The following UNC79 variants were observed in gnomAD, a reference collection of about 807,000 sequenced individuals.
UNC79 encodes the protein protein unc-79 homolog.
UNC79 carries 37 observed loss-of-function variants against 283.1 expected under a neutral mutation model. That is an observed-to-expected ratio of 0.13 (90% CI 0.10 to 0.17). UNC79 has a LOEUF of 0.17. Ranked by LOEUF, UNC79 falls within the 10% of genes least tolerant of loss-of-function variation. The pLI is 1.00. For synonymous variants in UNC79, 1,107 were observed against 1,200.2 expected (o/e 0.92, Z 1.61); for missense variants, 2,272 against 3,211.1 (o/e 0.71, Z 7.07).
chr14:93,531,287 G>A lies in UNC79; in HGVS notation c.1094-1263G>A, dbSNP rs921615700. ...TTTTTAAACATGAGTTGTAAATTTT[G>A]TTGCTTTTTCATCCACTAGTTTAAG... On this transcript the variant is annotated intron_variant, in intron 10 of 48. Transcript: ENST00000555664. The surrounding 1 kb of genome is among the most constrained non-coding windows in gnomAD (Gnocchi z 4.2). Among the ~76,000 whole-genome samples the A allele has an allele frequency of 6.6e-6, 1 of 152,112 alleles. No individual in the cohort carries two copies. Among genetic ancestry groups the A allele is most frequent in the Non-Finnish European group, 1.5e-5 (1 of 68,020 alleles).
At chr14:93,466,645 C>T (rs1210882227) in intron 1 of UNC79, among the ~76,000 whole-genome samples, 1 of 152,202 alleles carries the variant, frequency 6.6e-6, no homozygotes, top group Non-Finnish European at 1.5e-5. Context: ...TTATTGGGAA[C>T]AGCAGGCCTT....
intron 3 of UNC79, among the ~76,000 whole-genome samples, chr14:93,476,548 C>T (rs2057810795): frequency 6.6e-6 from 1 of 152,078 alleles, no homozygotes; most frequent in Non-Finnish European, 1.5e-5. Context: ...GCTGATGTGC[C>T]TGTTAAGATG....
At chr14:93,400,941 C>T (rs532913500) in intron 1 of UNC79, among the ~76,000 whole-genome samples, 21 of 152,260 alleles carry the variant, frequency 1.4e-4, no homozygotes, top group Non-Finnish European at 2.6e-4. Flanking sequence ...GAGAATAAGA[C>T]AACATTGAGA....
chr14:93,333,929 A>C (rs550820322), intron 1 of UNC79, among the ~76,000 whole-genome samples: 2 of 152,294 alleles, frequency 1.3e-5, no homozygotes, highest in East Asian at 3.9e-4. Context: ...AGGCATTCTG[A>C]ACCCAGTGAG....
rs1357495946 is a variant in UNC79, at chr14:93,580,113, TGTGTGTGCGTGTGTCC to T, written c.2434-35_2434-20del. ...TCCTTCTTCTTCTTTTTTTTTTGTGTGTGTGTGCGTGTGTCCTTTTTTTGATGTCTTTCAGATGGAG... is the reference window on the plus strand; with the variant it reads ...TCCTTCTTCTTCTTTTTTTTTTGTGTTTTTTTTGATGTCTTTCAGATGGAG... On this transcript the variant is annotated intron_variant, in intron 18 of 48. Coordinates refer to ENST00000555664, the Ensembl canonical transcript of UNC79. 6.6e-7 allele frequency: 1 copy of T among 1,522,844 alleles called. No individual in the cohort carries two copies. The highest frequency in any genetic ancestry group is 8.9e-7 in the Non-Finnish European group (1 of 1,123,662). The allele number at this position is 1,522,844 out of a possible 1,614,324, so 94.3% of individuals were successfully genotyped here. A position where few individuals can be genotyped will look rare whatever the true frequency, so the allele number is the denominator to read the frequency against.
intron 3 of UNC79, among the ~76,000 whole-genome samples, chr14:93,477,183 G>T (rs551003331): frequency 6.6e-6 from 1 of 152,082 alleles, no homozygotes; most frequent in African/African-American, 2.4e-5. Context: ...GAAATAGCCC[G>T]GTTTTATTTC....
At chr14:93,622,277 G>A (rs372851012) in exon 30 of UNC79, 116 of 1,614,074 alleles carry the variant, frequency 7.2e-5, no homozygotes, top group Non-Finnish European at 9.7e-5. Context: ...CCTGAGCACA[G>A]CTCCGCTTGT....
At chr14:93,522,894 T>C (rs1700587557) in intron 7 of UNC79, among the ~76,000 whole-genome samples, 1 of 152,148 alleles carries the variant, frequency 6.6e-6, no homozygotes, top group African/African-American at 2.4e-5. Flanking sequence ...GATAGAAAGT[T>C]TGAAGGTGGG....
At chr14:93,551,175 G>A (rs1220833098) in intron 14 of UNC79, among the ~76,000 whole-genome samples, 1 of 151,956 alleles carries the variant, frequency 6.6e-6, no homozygotes. Context: ...TCAACCTCCC[G>A]AGTAGCTGGG....
intron 1 of UNC79, among the ~76,000 whole-genome samples, chr14:93,410,173 GA>G (rs1265986508): frequency 6.6e-6 from 1 of 152,216 alleles, no homozygotes; most frequent in African/African-American, 2.4e-5. Flanking sequence ...CAGCAACTGT[GA>G]AACATTACAT....
rs529004289 is a variant in UNC79, at chr14:93,560,365, CAGTG to C, written c.1756-11525_1756-11522del. On this transcript the variant is annotated intron_variant, in intron 14 of 48. Transcript: ENST00000555664. The stretch of plus-strand genomic sequence containing the variant: ...AATATACAGAGTCCTCCTTTTTCAG[CAGTG>C]AGTAAGTCAAGGCCTCGGCAGTTTT... Among the ~76,000 whole-genome samples, 1,406 of 152,182 alleles carry C rather than the reference CAGTG, an allele frequency of 9.2e-3. 18 individuals are homozygous for C. The highest frequency in any genetic ancestry group is 0.032 in the African/African-American group (1,342 of 41,502).
intron 1 of UNC79, among the ~76,000 whole-genome samples, chr14:93,464,729 T>G (rs970574698): frequency 6.6e-6 from 1 of 152,112 alleles, no homozygotes. Flanking sequence ...AGATCATTCA[T>G]TTATATCTAT....
rs569955792 is a variant in UNC79, at chr14:93,465,222, T to C, written c.23-2449T>C. ...AATCTATCGTATGTCTATATGCAGG[T>C]ATATATGTGTATAGTGTACATATAT... On this transcript the variant is annotated intron_variant, in intron 1 of 48. Transcript: ENST00000555664. Among the ~76,000 whole-genome samples the C allele has an allele frequency of 7.0e-4, 107 of 152,310 alleles. 2 individuals carry two copies. In the South Asian group the frequency reaches 0.022, roughly 31 times the overall value.
At chr14:93,422,035 A>G (rs764371806) in intron 1 of UNC79, among the ~76,000 whole-genome samples, 9 of 151,806 alleles carry the variant, frequency 5.9e-5, no homozygotes, top group Non-Finnish European at 1.0e-4. Flanking sequence ...GTCTTAATCA[A>G]TTTAGGAAGT....
intron 47 of UNC79, among the ~76,000 whole-genome samples, chr14:93,703,834 A>T (rs1465139115): frequency 6.6e-6 from 1 of 152,224 alleles, no homozygotes; most frequent in Non-Finnish European, 1.5e-5. Flanking sequence ...TCTCCAAATT[A>T]GAGTGCCATG....
intron 40 of UNC79, among the ~76,000 whole-genome samples, chr14:93,668,725 G>A (rs2072485699): frequency 6.6e-6 from 1 of 151,602 alleles, no homozygotes; most frequent in African/African-American, 2.4e-5. Flanking sequence ...CGCACCTGTA[G>A]TCCCATTGCT....
At chr14:93,555,711 C>A (rs2062140969) in intron 14 of UNC79, among the ~76,000 whole-genome samples, 1 of 152,158 alleles carries the variant, frequency 6.6e-6, no homozygotes, top group Non-Finnish European at 1.5e-5. Flanking sequence ...GCCAAGATTT[C>A]TTTCTCATTT....
chr14:93,440,527 ATTT>A (rs760187081), intron 1 of UNC79, among the ~76,000 whole-genome samples: 1 of 132,472 alleles, frequency 7.5e-6, no homozygotes, highest in Admixed American at 7.4e-5. Flanking sequence ...TTGGCTGTTA[ATTT>A]TTTTTTTTTT....
At chr14:93,660,547 ATATATATATATATATATG>A (rs1384865929) in intron 39 of UNC79, among the ~76,000 whole-genome samples, 2 of 119,002 alleles carry the variant, frequency 1.7e-5, no homozygotes, top group African/African-American at 7.8e-5. Context: ...ATATATATAT[ATATATATATATATATATG>A]TGTGTGTGTG....
Sources: allele counts gnomAD v4.1 joint callset (sites outside exome capture counted in the v4.1 genomes callset), GRCh38; gene constraint gnomAD v4.1.1; non-coding constraint Gnocchi (gnomAD v3.1); transcripts MANE v1.5; gene names NCBI Gene and HGNC (gene_info 2026-07-23, HGNC 2026-07-21).